IFT140: variants seen among roughly 807,000 people sequenced by gnomAD.
The protein encoded by IFT140 is intraflagellar transport protein 140 homolog.
In IFT140, 133 loss-of-function variants were observed where a neutral mutation model predicts 164.6. That is an observed-to-expected ratio of 0.81 (90% CI 0.70 to 0.93). IFT140 has a LOEUF of 0.93. Ranked by LOEUF, IFT140 falls within the 40% of genes least tolerant of loss-of-function variation. IFT140 has a pLI of 0.00. For missense variants in IFT140, 2,045 were observed against 1,972.3 expected (o/e 1.04, Z -0.70); for synonymous variants, 860 against 817.3 (o/e 1.05, Z -0.89).
At chr16:1,557,117 G>A (rs1039759334) in intron 19 of IFT140, among the ~76,000 whole-genome samples, 6 of 152,202 alleles carry the variant, frequency 3.9e-5, no homozygotes, top group South Asian at 4.1e-4. Context: ...ACCGTGCCCC[G>A]GCCATATTGA....
intron 27 of IFT140, 74 bp downstream of exon 27, chr16:1,520,528 T>C (rs1277534239): frequency 2.1e-6 from 3 of 1,457,286 alleles, no homozygotes; most frequent in South Asian, 1.3e-5. Flanking sequence ...CGAAGGCAAA[T>C]GGAGATGCGT....
At chr16:1,567,728 G>T (rs929866584) in intron 15 of IFT140, among the ~76,000 whole-genome samples, 4 of 152,164 alleles carry the variant, frequency 2.6e-5, no homozygotes, top group African/African-American at 9.7e-5. Flanking sequence ...GAACCAACCG[G>T]CTCCAAACAG....
intron 18 of IFT140, among the ~76,000 whole-genome samples, chr16:1,559,539 G>C (rs115679100): frequency 1.2e-4 from 18 of 152,308 alleles, no homozygotes; most frequent in Admixed American, 8.5e-4. Context: ...GTCATGGCTA[G>C]TCCTCACTAG....
At chr16:1,522,622 C>T (rs2040557695) in intron 26 of IFT140, among the ~76,000 whole-genome samples, 4 of 151,948 alleles carry the variant, frequency 2.6e-5, no homozygotes, top group South Asian at 2.1e-4. Flanking sequence ...AGGCAGATCA[C>T]GAGGTCAAGA....
rs1434443979 is a variant in IFT140, at chr16:1,610,667, T to G, written c.-35A>C. ...CCCTAGCCCTAAGGCCACTCACCTC[T>G]GCCAGGCCGCTGAGCCGCCGCGCGT... On this transcript the variant is annotated 5_prime_UTR_variant, in exon 2 of 31. Transcript: ENST00000426508. The G allele has an allele frequency of 6.6e-6, 1 of 152,414 alleles. No homozygotes were observed. The highest frequency in any genetic ancestry group is 1.9e-4 in the East Asian group (1 of 5,186). The allele number at this position is 152,414 out of a possible 1,614,324, so 9.4% of individuals were successfully genotyped here.
intron 4 of IFT140, among the ~76,000 whole-genome samples, chr16:1,597,143 A>G (rs1295384181): frequency 6.6e-6 from 1 of 152,146 alleles, no homozygotes; most frequent in Non-Finnish European, 1.5e-5. Flanking sequence ...GGCTGGCCCC[A>G]CATCAGGGTG....
chr16:1,548,456 G>A (rs2032355808), intron 19 of IFT140, among the ~76,000 whole-genome samples: 1 of 152,242 alleles, frequency 6.6e-6, no homozygotes, highest in South Asian at 2.1e-4. Context: ...CGGCTCACAG[G>A]AAGAGGTTGT....
At chr16:1,511,738 A>T (rs2040164768) in intron 30 of IFT140, among the ~76,000 whole-genome samples, 1 of 151,950 alleles carries the variant, frequency 6.6e-6, no homozygotes, top group Non-Finnish European at 1.5e-5. Context: ...CTCAAACGAG[A>T]GGCTGAGGGC....
chr16:1,525,754 A>G, intron 21 of IFT140, 133 bp downstream of exon 21: 2 of 942,754 alleles, frequency 2.1e-6, no homozygotes, highest in Non-Finnish European at 3.0e-6. Context: ...CCTGCCGAGA[A>G]GGCTGCCACC....
At chr16:1,598,013 C>G (rs1181275960) in intron 4 of IFT140, among the ~76,000 whole-genome samples, 1 of 152,078 alleles carries the variant, frequency 6.6e-6, no homozygotes, top group East Asian at 1.9e-4. Flanking sequence ...GATGGTTCCA[C>G]TGCAGAAAGT....
chr16:1,562,991 C>T (rs1012335763), intron 17 of IFT140, among the ~76,000 whole-genome samples: 2 of 152,072 alleles, frequency 1.3e-5, no homozygotes, highest in African/African-American at 2.4e-5. Flanking sequence ...TTCCTTGCTA[C>T]CTGGTGTGAG....
At chr16:1,600,838 G>T (rs939102962) in intron 4 of IFT140, among the ~76,000 whole-genome samples, 3 of 151,418 alleles carry the variant, frequency 2.0e-5, no homozygotes, top group African/African-American at 4.9e-5. Flanking sequence ...CAACTTGAGT[G>T]AGAGTCTATA....
intron 19 of IFT140, chr16:1,552,780 T>C (rs2032765925): frequency 6.1e-6 from 1 of 163,134 alleles, no homozygotes; most frequent in Admixed American, 6.6e-5. Context: ...CCTGAGTAAC[T>C]GGGATTACAG....
Position 1,602,513 on chromosome 16 carries a change from G to A in IFT140, c.226C>T (p.Leu76=), listed in dbSNP as rs746576280. ...SLCWHPTRLV[L]AVGWETGEVT... is the part of the protein sequence containing the mutation. ...TCTCCAGTCTCCCAGCCCACAGCCA[G>A]CACCAGCCGCGTCGGGTGCCAGCAC... Residue 76 remains leucine, a synonymous_variant, in exon 4 of 31, where the codon CTG becomes TTG. Coordinates refer to ENST00000426508, the MANE Select transcript of IFT140 (RefSeq NM_014714.4). The A allele has an allele frequency of 2.5e-6, 4 of 1,614,042 alleles. No homozygotes were observed. In the African/African-American group the frequency reaches 4.0e-5, roughly 16 times the overall value.
chr16:1,524,869 A>G lies in IFT140; in HGVS notation c.2912T>C (p.Met971Thr), dbSNP rs761061336. ...CTCGTAGTAGTGCAGCGCGGCGTCC[A>G]TCTCGCCCTGGCTCTCCAGGTACTG... ...WAQYLESQGE[M>T]DAALHYYELA... Residue 971 changes from methionine to threonine, a missense_variant, in exon 23 of 31, where the codon ATG becomes ACG. Met to Thr is a moderately conservative substitution (Grantham distance 81, BLOSUM62 -1). Coordinates refer to ENST00000426508, the MANE Select transcript of IFT140 (RefSeq NM_014714.4). 6 of 1,612,374 alleles carry G rather than the reference A, an allele frequency of 3.7e-6. No individual in the cohort carries two copies. The highest frequency in any genetic ancestry group is 3.4e-6 in the Non-Finnish European group (4 of 1,179,394).
chr16:1,554,062 T>A, intron 19 of IFT140: 1 of 1,287,050 alleles, frequency 7.8e-7, no homozygotes, highest in Admixed American at 2.3e-5. Context: ...GGGGAAAGCA[T>A]GGAAGGAAAA....
intron 19 of IFT140, among the ~76,000 whole-genome samples, chr16:1,538,774 G>A (rs770924514): frequency 7.2e-5 from 11 of 152,276 alleles, no homozygotes; most frequent in African/African-American, 2.2e-4. Flanking sequence ...TGGACAGGAC[G>A]CCCTCAAAAT....
rs574483494 is a variant in IFT140, at chr16:1,524,563, G to T, written c.3130C>A (p.Arg1044Ser). The change falls in exon 24 of 31, where the codon CGC becomes AGC. Residue 1044 changes from arginine to serine, a missense_variant. Arg to Ser is a moderately radical substitution (Grantham distance 110). Transcript: ENST00000426508. ...CGGGCCCGTGGTACCTTGCACAGGC[G>T]GATGGCATTCTTGAAGGCCTGTGCC... ...TRAQAFKNAI[R>S]LCKENGLDDQ... 2 of 1,611,514 alleles carry T rather than the reference G, an allele frequency of 1.2e-6. No individual in the cohort carries two copies. The highest frequency in any genetic ancestry group is 1.7e-4 in the Middle Eastern group (1 of 6,038).
intron 10 of IFT140, among the ~76,000 whole-genome samples, chr16:1,585,460 G>A (rs1009177938): frequency 2.6e-5 from 4 of 152,170 alleles, no homozygotes; most frequent in Admixed American, 6.6e-5. Context: ...TTTTTGTGGC[G>A]CTGAAACTGT....
Sources: allele counts gnomAD v4.1 joint callset (sites outside exome capture counted in the v4.1 genomes callset), GRCh38; gene constraint gnomAD v4.1.1; transcripts MANE v1.5; gene names NCBI Gene and HGNC (gene_info 2026-07-23, HGNC 2026-07-21).